The following TEKT3 variants were observed in gnomAD, a reference collection of about 807,000 sequenced individuals.
The protein encoded by TEKT3 is tektin-3.
TEKT3 carries 49 observed loss-of-function variants against 49.8 expected under a neutral mutation model. The observed-to-expected ratio is 0.98, with a 90% CI of 0.78 to 1.25. The LOEUF (loss-of-function observed/expected upper bound fraction) is 1.25, where lower values mean the gene tolerates loss of function less well. TEKT3 is among the 50% of genes most tolerant of loss of function. The pLI, the probability that TEKT3 is intolerant of heterozygous loss-of-function variation, is 0.00. For missense variants in TEKT3, 595 were observed against 629.5 expected (o/e 0.95, Z 0.59); for synonymous variants, 225 against 237.2 (o/e 0.95, Z 0.47).
At position 15,331,046 on chromosome 17, in the gene TEKT3, T is replaced by A. The variant is rs1042785475; in HGVS notation, c.540A>T (p.Arg180Ser). Residue 180 changes from arginine (R) to serine (S), a missense_variant, in exon 3 of 9, where the codon AGA (arginine) becomes AGT (serine). By Grantham distance (110) the Arg-to-Ser change is moderately radical. Transcript: ENST00000395930. ...CAGTCTCCATCAAAGCCCGCTCCAG[T>A]CTTTTCTTCACATCAGTAAGTGCAT... ...ETNALTDVKKRLERALMETEA... is the reference protein window; with the variant it reads ...ETNALTDVKKSLERALMETEA... 1 of 1,613,946 alleles carries A rather than the reference T, an allele frequency of 6.2e-7. No individual in the cohort carries two copies. Among genetic ancestry groups the A allele is most frequent in the African/African-American group, 1.3e-5 (1 of 75,040 alleles).
At position 15,336,869 on chromosome 17, in the gene TEKT3, T is replaced by C. The variant is rs530733629; in HGVS notation, c.-30+3159A>G. 6.6e-5 allele frequency among the ~76,000 whole-genome samples: 10 copies of C among 152,258 alleles called. No homozygotes were observed. In the East Asian group the frequency reaches 1.9e-3, roughly 29 times the overall value. ...CTCTTTGGAGGTGAAATGGTCAAAA[T>C]TGTTTTCATAGTAAATACTCAGATG... is the stretch of plus-strand genomic sequence containing the variant. On this transcript the variant is annotated intron_variant, in intron 2 of 8. Coordinates refer to ENST00000395930, the MANE Select transcript of TEKT3 (RefSeq NM_031898.3).
At chr17:15,340,795 A>G (rs1912194612) in intron 1 of TEKT3, among the ~76,000 whole-genome samples, 1 of 152,164 alleles carries the variant, frequency 6.6e-6, no homozygotes. Context: ...GAAGTATTTT[A>G]TTTTAAAGAA....
chr17:15,312,545 G>A (rs764477104), intron 6 of TEKT3, 64 bp from the exon 7 acceptor site: 87 of 1,454,866 alleles, frequency 6.0e-5, no homozygotes, highest in Non-Finnish European at 7.3e-5. Context: ...GGATCGCTAG[G>A]CAATCATTTA....
At chr17:15,333,601 C>T (rs944831330) in intron 2 of TEKT3, among the ~76,000 whole-genome samples, 3 of 152,108 alleles carry the variant, frequency 2.0e-5, no homozygotes, top group Non-Finnish European at 4.4e-5. Flanking sequence ...AGTACTGAGG[C>T]ATTAGGGTCC....
upstream of TEKT3, among the ~76,000 whole-genome samples, chr17:15,342,257 T>C (rs539638654): frequency 9.2e-4 from 140 of 152,184 alleles, no homozygotes; most frequent in Non-Finnish European, 1.9e-3. Flanking sequence ...ATGAAGAAAC[T>C]GAAGTTCGAG....
At chr17:15,338,242 C>T (rs891403325) in intron 2 of TEKT3, among the ~76,000 whole-genome samples, 3 of 152,022 alleles carry the variant, frequency 2.0e-5, no homozygotes, top group Non-Finnish European at 4.4e-5. Context: ...ATGAAATGGA[C>T]AAAATTTTTG....
intron 6 of TEKT3, among the ~76,000 whole-genome samples, chr17:15,313,849 T>G (rs568710273): frequency 2.0e-5 from 3 of 152,286 alleles, no homozygotes; most frequent in Middle Eastern, 3.4e-3. Flanking sequence ...GTAGGGTTAT[T>G]TTCATAGTTA....
chr17:15,312,748 C>T (rs549516827), intron 6 of TEKT3, among the ~76,000 whole-genome samples: 44 of 152,288 alleles, frequency 2.9e-4, no homozygotes, highest in Admixed American at 2.0e-3. Context: ...ATGATGTGAA[C>T]GTGTAGGTTC....
chr17:15,335,098 C>G (rs367908265), intron 2 of TEKT3, among the ~76,000 whole-genome samples: 2 of 152,188 alleles, frequency 1.3e-5, no homozygotes, highest in East Asian at 3.9e-4. Context: ...AGGTATTGTG[C>G]CTAAAGGCAA....
intron 2 of TEKT3, among the ~76,000 whole-genome samples, chr17:15,331,829 T>C (rs1911768683): frequency 6.6e-6 from 1 of 152,180 alleles, no homozygotes. Context: ...AAAGATCACA[T>C]TTTTATTGGC....
chr17:15,330,909 G>C, intron 3 of TEKT3, 98 bp downstream of exon 3: 1 of 1,266,408 alleles, frequency 7.9e-7, no homozygotes, highest in Non-Finnish European at 1.1e-6. Context: ...GGCTTCAACA[G>C]ATGAAGTAAA....
chr17:15,317,816 AC>A (rs1253285212), intron 5 of TEKT3, among the ~76,000 whole-genome samples: 2 of 149,352 alleles, frequency 1.3e-5, no homozygotes, highest in African/African-American at 5.0e-5. Context: ...TCCTCATCCC[AC>A]CCCCAACCAT....
chr17:15,313,952 G>T, intron 6 of TEKT3, 135 bp downstream of exon 6: 3 of 1,270,104 alleles, frequency 2.4e-6, no homozygotes, highest in Non-Finnish European at 2.2e-6. Context: ...CTGGAGACTT[G>T]TCCAAAGCTG....
intron 4 of TEKT3, among the ~76,000 whole-genome samples, chr17:15,325,913 C>T (rs1043916563): frequency 2.6e-5 from 4 of 152,176 alleles, no homozygotes; most frequent in African/African-American, 9.7e-5. Flanking sequence ...AGACCCATCA[C>T]TGCAAAACTA....
intron 2 of TEKT3, among the ~76,000 whole-genome samples, chr17:15,338,832 A>G (rs1912110153): frequency 6.6e-6 from 1 of 151,940 alleles, no homozygotes; most frequent in African/African-American, 2.4e-5. Flanking sequence ...TTCTTAAGAG[A>G]GCATGTGCAG....
chr17:15,341,062 G>A (rs1308685288), intron 1 of TEKT3, among the ~76,000 whole-genome samples: 1 of 152,142 alleles, frequency 6.6e-6, no homozygotes, highest in Non-Finnish European at 1.5e-5. Flanking sequence ...TGAATTTAAG[G>A]AGCTCGGTCT....
At chr17:15,316,284 A>G (rs549085902) in intron 5 of TEKT3, among the ~76,000 whole-genome samples, 9 of 152,244 alleles carry the variant, frequency 5.9e-5, no homozygotes, top group East Asian at 5.8e-4. Context: ...TGAAGCATCT[A>G]TTGTTACAGT....
At chr17:15,319,175 A>G in intron 4 of TEKT3, 28 bp from the exon 5 acceptor site, 1 of 1,557,888 alleles carries the variant, frequency 6.4e-7, no homozygotes, top group Non-Finnish European at 8.8e-7. Context: ...AAACATATTA[A>G]TGTTTTCATT....
At chr17:15,305,143 C>G (rs767138398) in intron 8 of TEKT3, among the ~76,000 whole-genome samples, 1 of 152,092 alleles carries the variant, frequency 6.6e-6, no homozygotes, top group Non-Finnish European at 1.5e-5. Flanking sequence ...TCCATGGGAT[C>G]TACTAAGAAC....
Sources: gnomAD v4.1 joint callset for allele counts (sites outside exome capture counted in the v4.1 genomes callset) on GRCh38, gnomAD v4.1.1 for gene constraint, MANE v1.5 for transcripts, NCBI Gene and HGNC (gene_info 2026-07-23, HGNC 2026-07-21) for gene names.